Variants in SMG6 observed in about 807,000 individuals in gnomAD.
The protein encoded by SMG6 is SMG6 nonsense mediated mRNA decay factor.
SMG6 carries 66 observed loss-of-function variants against 142.2 expected under a neutral mutation model. The observed-to-expected ratio is 0.46, with a 90% CI of 0.38 to 0.57. The LOEUF is 0.57. Ranked by LOEUF, SMG6 falls within the 20% of genes least tolerant of loss-of-function variation. SMG6 has a pLI of 0.00. For synonymous variants in SMG6, 779 were observed against 702.4 expected (o/e 1.11, Z -1.72); for missense variants, 1,793 against 1,832.0 (o/e 0.98, Z 0.39).
intron 12 of SMG6, among the ~76,000 whole-genome samples, chr17:2,185,598 C>T (rs2071954781): frequency 6.6e-6 from 1 of 152,102 alleles, no homozygotes; most frequent in African/African-American, 2.4e-5. Context: ...GCCCCCAATA[C>T]ACAAATGCTC....
In SMG6 at chr17:2,170,812, A is replaced by G. The variant is rs1488868562; in HGVS notation, c.3357+1846T>C. Among the ~76,000 whole-genome samples the G allele has an allele frequency of 2.6e-5, 4 of 152,258 alleles. No individual in the cohort carries two copies. The East Asian group carries it at 7.7e-4, about 29-fold the overall frequency. Reference sequence around the variant, plus strand: ...GGAATATATGCTCAAATTCTGCTACAAGAAATTGATACACTATTCATAACT... The same window carrying G: ...GGAATATATGCTCAAATTCTGCTACGAGAAATTGATACACTATTCATAACT... On this transcript the variant is annotated intron_variant, in intron 13 of 18. Coordinates refer to ENST00000263073, the MANE Select transcript of SMG6 (RefSeq NM_017575.5).
intron 13 of SMG6, among the ~76,000 whole-genome samples, chr17:2,158,900 TAAA>T (rs58337632): frequency 7.9e-6 from 1 of 127,282 alleles, no homozygotes; most frequent in Non-Finnish European, 1.6e-5. Context: ...AGACTATGTT[TAAA>T]AAAAAAAAAA....
At chr17:2,150,751 A>ATACTTT (rs1567639229) in intron 13 of SMG6, among the ~76,000 whole-genome samples, 1 of 152,226 alleles carries the variant, frequency 6.6e-6, no homozygotes, top group African/African-American at 2.4e-5. Flanking sequence ...ACTCTAAGGT[A>ATACTTT]ATAAGATATG....
intron 10 of SMG6, chr17:2,212,741 G>A (rs1044451784): frequency 2.0e-5 from 3 of 152,246 alleles, no homozygotes; most frequent in Non-Finnish European, 2.9e-5. Flanking sequence ...CAACTAGGCA[G>A]TGATAACCAG....
chr17:2,260,003 A>G (rs2074277405), intron 8 of SMG6, among the ~76,000 whole-genome samples: 3 of 152,228 alleles, frequency 2.0e-5, no homozygotes, highest in Non-Finnish European at 2.9e-5. Flanking sequence ...AAGGCACCAA[A>G]TAAGGGAAGG....
chr17:2,249,926 C>T (rs955746230), intron 8 of SMG6, among the ~76,000 whole-genome samples: 3 of 152,170 alleles, frequency 2.0e-5, no homozygotes, highest in Admixed American at 6.5e-5. Context: ...AAAGTCCGTC[C>T]TGTCATTAAC....
rs1332029479 is a variant in SMG6 at position 2,061,080 on chromosome 17, T to G, written c.*412A>C. 2 of 169,644 alleles carry G rather than the reference T, an allele frequency of 1.2e-5. No individual in the cohort carries two copies. The highest frequency in any genetic ancestry group is 2.6e-5 in the Non-Finnish European group (2 of 77,392). The allele number at this position is 169,644 out of a possible 1,614,324, so 10.5% of individuals were successfully genotyped here. A position where few individuals can be genotyped will look rare whatever the true frequency, so the allele number is the denominator to read the frequency against. On this transcript the variant is annotated 3_prime_UTR_variant, in exon 19 of 19. Coordinates refer to ENST00000263073, the MANE Select transcript of SMG6 (RefSeq NM_017575.5). The stretch of plus-strand genomic sequence containing the variant: ...TCTGAAGATGAAAGGGAACTGTGAT[T>G]TCACTGCATCTGACGGAAACTCAGA...
intron 10 of SMG6, among the ~76,000 whole-genome samples, chr17:2,235,542 T>A (rs1269941963): frequency 6.6e-6 from 1 of 152,168 alleles, no homozygotes; most frequent in East Asian, 1.9e-4. Flanking sequence ...CGCCACTCTG[T>A]CAAGAAACAC....
At chr17:2,266,282 A>G in intron 8 of SMG6, 2 of 588,388 alleles carry the variant, frequency 3.4e-6, no homozygotes, top group Non-Finnish European at 4.3e-6. Flanking sequence ...GCACGCGAAC[A>G]GGATATGCTG....
At chr17:2,099,046 G>T (rs2068936109) in intron 13 of SMG6, among the ~76,000 whole-genome samples, 1 of 152,144 alleles carries the variant, frequency 6.6e-6, no homozygotes, top group Admixed American at 6.6e-5. Context: ...ACTAGTGTGT[G>T]TGTTTGTGTG....
intron 13 of SMG6, among the ~76,000 whole-genome samples, chr17:2,097,799 C>G (rs2068896130): frequency 6.6e-6 from 1 of 152,188 alleles, no homozygotes; most frequent in African/African-American, 2.4e-5. Context: ...CCTGCTTATT[C>G]TTTCACTAAG....
At chr17:2,273,013 GCC>G (rs142913791) in intron 8 of SMG6, among the ~76,000 whole-genome samples, 1 of 151,726 alleles carries the variant, frequency 6.6e-6, no homozygotes, top group African/African-American at 2.4e-5. Context: ...GTCTCACGTG[GCC>G]CCCACACCAC....
chr17:2,224,313 G>A lies in SMG6; in HGVS notation c.2869+12179C>T, dbSNP rs1175963368. Among the ~76,000 whole-genome samples, 4 of 152,060 alleles carry A rather than the reference G, an allele frequency of 2.6e-5. No individual in the cohort carries two copies. The East Asian group carries it at 7.7e-4, about 29-fold the overall frequency. Reference sequence around the variant, plus strand: ...CCCCAAATACACCATTTCAGATTATGGAGTCTCTAAAATGCCATGTTGAAT... The same window carrying A: ...CCCCAAATACACCATTTCAGATTATAGAGTCTCTAAAATGCCATGTTGAAT... On this transcript the variant is annotated intron_variant, in intron 10 of 18. Coordinates refer to ENST00000263073, the MANE Select transcript of SMG6 (RefSeq NM_017575.5).
At chr17:2,136,535 T>A (rs116575959) in intron 13 of SMG6, among the ~76,000 whole-genome samples, 1,553 of 152,264 alleles carry the variant, frequency 0.01, 31 homozygotes, top group African/African-American at 0.034. Flanking sequence ...ATTTCCCTAT[T>A]CAGAATTTGG....
chr17:2,257,224 T>C (rs2074205103), intron 8 of SMG6, among the ~76,000 whole-genome samples: 1 of 152,064 alleles, frequency 6.6e-6, no homozygotes, highest in Non-Finnish European at 1.5e-5. Context: ...TAGCTGGGAC[T>C]ACAGGCACGT....
intron 8 of SMG6, chr17:2,265,925 C>T (rs2074414336): frequency 1.1e-6 from 1 of 924,350 alleles, no homozygotes; most frequent in Non-Finnish European, 1.3e-6. Flanking sequence ...AGAACTTAGC[C>T]TTACCACCTA....
intron 13 of SMG6, among the ~76,000 whole-genome samples, chr17:2,102,283 A>G (rs1380194129): frequency 2.0e-5 from 3 of 152,234 alleles, no homozygotes; most frequent in African/African-American, 7.2e-5. Context: ...AATTAAACCC[A>G]GCTAATTAAC....
At chr17:2,067,927 G>A (rs1238447404) in intron 16 of SMG6, among the ~76,000 whole-genome samples, 1 of 152,212 alleles carries the variant, frequency 6.6e-6, no homozygotes, top group Non-Finnish European at 1.5e-5. Context: ...TTTTCCAGAA[G>A]ACAAGGCTCT....
chr17:2,195,608 CT>C (rs1371429882), intron 10 of SMG6, among the ~76,000 whole-genome samples: 1 of 152,210 alleles, frequency 6.6e-6, no homozygotes, highest in Middle Eastern at 3.2e-3. Context: ...GCCTCTCTCA[CT>C]TTGGATCTAA....
Sources: gnomAD v4.1 joint callset for allele counts (sites outside exome capture counted in the v4.1 genomes callset) on GRCh38, gnomAD v4.1.1 for gene constraint, MANE v1.5 for transcripts, NCBI Gene and HGNC (gene_info 2026-07-23, HGNC 2026-07-21) for gene names.